The following KDM2B variants were observed in gnomAD, a reference collection of about 807,000 sequenced individuals.
KDM2B encodes the protein lysine-specific demethylase 2B.
A neutral mutation model predicts 150.0 loss-of-function variants in KDM2B; 26 were observed. The ratio of observed to expected loss-of-function variants is 0.17; its 90% confidence interval spans 0.13 to 0.24. KDM2B has a LOEUF of 0.24. Among genes scored for constraint, KDM2B ranks in the 10% least tolerant of loss-of-function variants. KDM2B has a pLI of 1.00. For synonymous variants in KDM2B, 734 were observed against 729.5 expected (o/e 1.01, Z -0.10); for missense variants, 1,265 against 1,816.9 (o/e 0.70, Z 5.52).
At chr12:121,503,292 T>C (rs1465526394) in intron 11 of KDM2B, among the ~76,000 whole-genome samples, 1 of 151,486 alleles carries the variant, frequency 6.6e-6, no homozygotes, top group Non-Finnish European at 1.5e-5. Flanking sequence ...GTGTTTTGTT[T>C]TTTTTTTTTC....
rs1264759344 is a variant in KDM2B, at chr12:121,549,198, C to G, written c.577-215G>C. ...AGTCGCTGGGGGTCGGGCACGGTAG[C>G]TTATACCTCTAATCTAAGTGCTTTG... is the stretch of plus-strand genomic sequence containing the variant. On this transcript the variant is annotated intron_variant, in intron 5 of 22. Transcript: ENST00000377071. This position sits in a 1 kb window ranked among gnomAD's most constrained non-coding sequence, Gnocchi z 4.4. Among the ~76,000 whole-genome samples, 1 of 152,120 alleles carries G rather than the reference C, an allele frequency of 6.6e-6. No homozygotes were observed. The highest frequency in any genetic ancestry group is 1.5e-5 in the Non-Finnish European group (1 of 68,006).
At position 121,454,873 on chromosome 12, in the gene KDM2B, G is replaced by C. The variant is rs376554281; in HGVS notation, c.1735-1529C>G. Among the ~76,000 whole-genome samples the C allele has an allele frequency of 4.6e-5, 7 of 152,086 alleles. No homozygotes were observed. In the East Asian group the frequency reaches 1.2e-3, roughly 25 times the overall value. Reference sequence around the variant, plus strand: ...ATTCATACACTCCAATGGAGAAGAAGGTCCACATCACAGGGACCCCCTCTC... The same window carrying C: ...ATTCATACACTCCAATGGAGAAGAACGTCCACATCACAGGGACCCCCTCTC... On this transcript the variant is annotated intron_variant, in intron 12 of 22. Coordinates refer to ENST00000377071, the MANE Select transcript of KDM2B (RefSeq NM_032590.5).
At chr12:121,512,391 T>G (rs1303300679) in intron 10 of KDM2B, among the ~76,000 whole-genome samples, 1 of 151,500 alleles carries the variant, frequency 6.6e-6, no homozygotes. Context: ...GGATGGGGCA[T>G]AAGGGAAGGG....
In KDM2B at chr12:121,549,417, A is replaced by C; in HGVS notation, c.576+43T>G. 6.6e-7 allele frequency: 1 copy of C among 1,510,854 alleles called. No homozygotes were observed. The allele number at this position is 1,510,854 out of a possible 1,614,324, so 93.6% of individuals were successfully genotyped here. On this transcript the variant is annotated intron_variant, in intron 5 of 22. Transcript: ENST00000377071. The surrounding 1 kb of genome is among the most constrained non-coding windows in gnomAD (Gnocchi z 4.4). Reference sequence around the variant, plus strand: ...TGGCAGGGGGACAGGGAAGGAGATGAGGTGGAAGGTATCTGGGGAGGGTAC... The same window carrying C: ...TGGCAGGGGGACAGGGAAGGAGATGCGGTGGAAGGTATCTGGGGAGGGTAC...
chr12:121,511,184 T>C (rs1262495225), intron 10 of KDM2B, among the ~76,000 whole-genome samples: 2 of 149,798 alleles, frequency 1.3e-5, no homozygotes, highest in African/African-American at 4.9e-5. Flanking sequence ...AATTTTTGTG[T>C]TTTTTAGTAG....
intron 8 of KDM2B, among the ~76,000 whole-genome samples, chr12:121,528,481 C>G (rs966527525): frequency 1.3e-5 from 2 of 152,018 alleles, no homozygotes; most frequent in African/African-American, 4.8e-5. Context: ...ATTGCTTAAA[C>G]TTGGGAGGTG....
At position 121,518,280 on chromosome 12, in the gene KDM2B, G is replaced by A. The variant is rs1194023249; in HGVS notation, c.1047+2705C>T. Among the ~76,000 whole-genome samples the A allele has an allele frequency of 2.6e-5, 4 of 152,208 alleles. No individual in the cohort carries two copies. The highest frequency in any genetic ancestry group is 9.6e-5 in the African/African-American group (4 of 41,456). On this transcript the variant is annotated intron_variant, in intron 9 of 22. Transcript: ENST00000377071. This position sits in a 1 kb window ranked among gnomAD's most constrained non-coding sequence, Gnocchi z 4.4. The stretch of plus-strand genomic sequence containing the variant: ...TGAAGCTGTAGTGAGCTAACAAAGA[G>A]CCCTGGCATCTTATCTGGTTCCAGA...
intron 13 of KDM2B, among the ~76,000 whole-genome samples, chr12:121,450,200 G>C (rs1555291233): frequency 1.3e-5 from 2 of 151,914 alleles, no homozygotes; most frequent in African/African-American, 4.8e-5. Context: ...TGTAACTCCA[G>C]CTACTTGGGA....
rs1392481399 is a variant in KDM2B at position 121,580,791 on chromosome 12, T to G, written c.121A>C (p.Thr41Pro). The change falls in exon 1 of 23, where the codon ACA (threonine) becomes CCA (proline). Residue 41 changes from threonine to proline, a missense_variant. Thr to Pro is a conservative substitution (Grantham distance 38). Transcript: ENST00000377071. Reference protein sequence around the residue: ...YTKCFEFESATQRPIDRQRYD... With the variant: ...YTKCFEFESAPQRPIDRQRYD... Reference sequence around the variant, plus strand: ...CACCCCTCCCCCAACATTACCTGTGTGGCCGACTCAAATTCAAAGCATTTT... The same window carrying G: ...CACCCCTCCCCCAACATTACCTGTGGGGCCGACTCAAATTCAAAGCATTTT... The G allele has an allele frequency of 1.2e-6, 2 of 1,612,960 alleles. No individual in the cohort carries two copies. Among genetic ancestry groups the G allele is most frequent in the Admixed American group, 3.3e-5 (2 of 59,868 alleles).
intron 13 of KDM2B, among the ~76,000 whole-genome samples, chr12:121,447,980 C>A (rs917106012): frequency 2.6e-5 from 4 of 151,728 alleles, no homozygotes; most frequent in Non-Finnish European, 5.9e-5. Flanking sequence ...TCTATTAACA[C>A]GTCATGGGTT....
In KDM2B at chr12:121,562,416, G is replaced by A. The variant is rs374264360; in HGVS notation, c.397+12131C>T. Among the ~76,000 whole-genome samples the A allele has an allele frequency of 9.2e-5, 14 of 152,128 alleles. 1 individual carries two copies. In the South Asian group the frequency reaches 2.3e-3, roughly 25 times the overall value. ...GGAGAATCATTTGAACCTGGGAGGC[G>A]GAAGTTGCAGTGAGCTGAGATGGGG... On this transcript the variant is annotated intron_variant, in intron 4 of 22. Coordinates refer to ENST00000377071, the MANE Select transcript of KDM2B (RefSeq NM_032590.5).
chr12:121,461,373 G>A (rs530495399), intron 12 of KDM2B, among the ~76,000 whole-genome samples: 1 of 152,150 alleles, frequency 6.6e-6, no homozygotes, highest in African/African-American at 2.4e-5. Flanking sequence ...TAAGTTAAAG[G>A]CTTCACAACA....
chr12:121,419,220 G>C, the KDM2B span, among the ~76,000 whole-genome samples: 1 of 152,232 alleles, frequency 6.6e-6, no homozygotes, highest in Admixed American at 6.5e-5. Flanking sequence ...TGTTATAGCT[G>C]CCTACAGTAT....
At chr12:121,572,794 A>G (rs1249869134) in intron 4 of KDM2B, among the ~76,000 whole-genome samples, 3 of 150,944 alleles carry the variant, frequency 2.0e-5, no homozygotes, top group Non-Finnish European at 2.9e-5. Context: ...AGCTACAACT[A>G]CAGACACACA....
intron 4 of KDM2B, among the ~76,000 whole-genome samples, chr12:121,550,470 C>T (rs145809162): frequency 4.5e-4 from 68 of 152,274 alleles, no homozygotes; most frequent in African/African-American, 1.6e-3. Context: ...ATCCAGCCTA[C>T]GGCCTATCAT....
At chr12:121,447,134 C>T (rs888662746) in intron 13 of KDM2B, among the ~76,000 whole-genome samples, 1 of 152,172 alleles carries the variant, frequency 6.6e-6, no homozygotes, top group African/African-American at 2.4e-5. Flanking sequence ...ATACTCCTCC[C>T]TTTTCCAAGT....
chr12:121,507,910 C>A (rs1018091987), intron 11 of KDM2B, among the ~76,000 whole-genome samples: 3 of 152,104 alleles, frequency 2.0e-5, no homozygotes, highest in Admixed American at 6.6e-5. Context: ...ACTTGGGAGG[C>A]TGAGGCAGAA....
intron 11 of KDM2B, among the ~76,000 whole-genome samples, chr12:121,497,333 G>A (rs558961269): frequency 1.6e-3 from 249 of 152,212 alleles, no homozygotes; most frequent in Non-Finnish European, 3.0e-3. Flanking sequence ...GAGATGGAGT[G>A]TTACTCTGTC....
At chr12:121,509,128 A>G (rs570704554) in intron 11 of KDM2B, among the ~76,000 whole-genome samples, 7 of 152,132 alleles carry the variant, frequency 4.6e-5, no homozygotes, top group African/African-American at 1.2e-4. Context: ...GTGCGATCTC[A>G]GCTCACTGCA....
Sources: gnomAD v4.1 joint callset for allele counts (sites outside exome capture counted in the v4.1 genomes callset) on GRCh38, gnomAD v4.1.1 for gene constraint, Gnocchi (gnomAD v3.1) non-coding constraint, MANE v1.5 for transcripts, NCBI Gene and HGNC (gene_info 2026-07-23, HGNC 2026-07-21) for gene names.